ELAVL4: variants seen among roughly 807,000 people sequenced by gnomAD.
ELAVL4 encodes the protein ELAV like RNA binding protein 4, also known as ELAV-like protein 4.
ELAVL4 carries 1 observed loss-of-function variant against 35.6 expected under a neutral mutation model. The observed-to-expected ratio is 0.03, with a 90% CI of 0.01 to 0.13. The LOEUF is 0.13. ELAVL4 is among the 10% of genes least tolerant of loss of function. The pLI, the probability that ELAVL4 is intolerant of heterozygous loss-of-function variation, is 1.00. For synonymous variants in ELAVL4, 156 were observed against 171.0 expected, an observed-to-expected ratio of 0.91 and a Z score of 0.69; for missense variants, 267 against 464.9, an observed-to-expected ratio of 0.57 and a Z score of 3.91.
At chr1:50,101,774 C>A (rs894578475), upstream of ELAVL4, among the ~76,000 whole-genome samples, 1 of 152,082 alleles carries the variant, frequency 6.6e-6, no homozygotes, top group East Asian at 1.9e-4. Context: ...TTAATAAACA[C>A]AAATATTTAC....
At chr1:50,110,573 A>G (rs1405456474) in intron 1 of ELAVL4, among the ~76,000 whole-genome samples, 2 of 152,194 alleles carry the variant, frequency 1.3e-5, no homozygotes, top group Non-Finnish European at 2.9e-5. Flanking sequence ...CCCTGAAGAT[A>G]TGGCACAAAA....
chr1:50,108,590 A>C (rs775314700), upstream of ELAVL4, among the ~76,000 whole-genome samples: 3 of 152,122 alleles, frequency 2.0e-5, no homozygotes, highest in Non-Finnish European at 4.4e-5. Flanking sequence ...ATGGGAAAAG[A>C]AGGACCCTCC....
intron 1 of ELAVL4, among the ~76,000 whole-genome samples, chr1:50,129,948 CAGAT>C: frequency 1.3e-5 from 2 of 152,234 alleles, no homozygotes; most frequent in East Asian, 3.9e-4. Flanking sequence ...CCCTGCAAGA[CAGAT>C]AGAATTGTTC....
chr1:50,150,882 T>TG (rs2148713029), intron 2 of ELAVL4, among the ~76,000 whole-genome samples: 1 of 152,332 alleles, frequency 6.6e-6, no homozygotes, highest in South Asian at 2.1e-4. Flanking sequence ...CTTTTATTTT[T>TG]TGTGTGTGCC....
At chr1:50,101,818 T>G (rs1014326266), upstream of ELAVL4, among the ~76,000 whole-genome samples, 6 of 152,238 alleles carry the variant, frequency 3.9e-5, no homozygotes, top group Non-Finnish European at 8.8e-5. Flanking sequence ...AAGGAAGAGA[T>G]ATCTTACTTT....
At chr1:50,195,875 C>T (rs1489068345) in intron 5 of ELAVL4, 89 bp downstream of exon 5, 2 of 1,470,186 alleles carry the variant, frequency 1.4e-6, no homozygotes, top group African/African-American at 1.4e-5. Context: ...ACAAATGGGG[C>T]AAGGGTAAAA....
intron 1 of ELAVL4, among the ~76,000 whole-genome samples, chr1:50,134,464 C>G (rs1315039401): frequency 1.3e-5 from 2 of 152,076 alleles, no homozygotes; most frequent in African/African-American, 4.8e-5. Context: ...TATTATTAGG[C>G]ATTTTAGTTA....
At chr1:50,136,065 C>T (rs1042674298) in intron 1 of ELAVL4, among the ~76,000 whole-genome samples, 21 of 151,978 alleles carry the variant, frequency 1.4e-4, no homozygotes, top group African/African-American at 3.4e-4. Flanking sequence ...GGGACTTGAG[C>T]GAATTAAAGC....
intron 1 of ELAVL4, among the ~76,000 whole-genome samples, chr1:50,051,009 TATCA>T (rs1374901039): frequency 2.0e-5 from 3 of 152,144 alleles, no homozygotes; most frequent in African/African-American, 7.2e-5. Flanking sequence ...TAGATTATAA[TATCA>T]ATCTATCGTA....
At position 50,165,443 on chromosome 1, in the gene ELAVL4, G is replaced by T. The variant is rs959711487; in HGVS notation, c.251-11646G>T. Among the ~76,000 whole-genome samples the T allele has an allele frequency of 1.4e-4, 19 of 131,214 alleles. No individual in the cohort carries two copies. The East Asian group carries it at 3.4e-3, about 23-fold the overall frequency. 86.1% of individuals were successfully genotyped at this position (131,214 alleles called of 152,430 possible). A position where few individuals can be genotyped will look rare whatever the true frequency, so the allele number is the denominator to read the frequency against. On this transcript the variant is annotated intron_variant, in intron 2 of 6. Coordinates refer to ENST00000371824, the MANE Select transcript of ELAVL4 (RefSeq NM_001144774.3). ...CTAACAGGAGATATATATATATATA[G>T]ATATAGATATAGATACACACACACA...
At chr1:50,051,541 A>G (rs946941187) in intron 1 of ELAVL4, among the ~76,000 whole-genome samples, 1 of 152,230 alleles carries the variant, frequency 6.6e-6, no homozygotes, top group Non-Finnish European at 1.5e-5. Context: ...AAAGTGGGGC[A>G]GTATATAATG....
At chr1:50,157,095 C>T (rs1675895100) in intron 2 of ELAVL4, among the ~76,000 whole-genome samples, 1 of 152,034 alleles carries the variant, frequency 6.6e-6, no homozygotes, top group Non-Finnish European at 1.5e-5. Context: ...CATTGTAAGT[C>T]GGGGACGGTC....
At chr1:50,165,146 T>A (rs1677517834) in intron 2 of ELAVL4, among the ~76,000 whole-genome samples, 2 of 152,142 alleles carry the variant, frequency 1.3e-5, no homozygotes, top group African/African-American at 4.8e-5. Context: ...GGGTGCCCCT[T>A]TCCTCTTTTC....
intron 1 of ELAVL4, among the ~76,000 whole-genome samples, chr1:50,118,646 G>A (rs1237902503): frequency 1.3e-5 from 2 of 151,978 alleles, no homozygotes; most frequent in African/African-American, 4.8e-5. Flanking sequence ...GGGTCTGAAG[G>A]GGGAAATAAA....
chr1:50,050,603 A>G (rs979714506), intron 1 of ELAVL4, among the ~76,000 whole-genome samples: 1 of 152,162 alleles, frequency 6.6e-6, no homozygotes, highest in Non-Finnish European at 1.5e-5. Context: ...AAAGTTAGAG[A>G]AGGTGCTTTA....
upstream of ELAVL4, among the ~76,000 whole-genome samples, chr1:50,098,910 A>G (rs550813257): frequency 6.6e-6 from 1 of 152,336 alleles, no homozygotes; most frequent in Admixed American, 6.5e-5. Context: ...TAATAAATGT[A>G]GAATGTCCCT....
At chr1:50,055,040 G>A (rs1043260658) in intron 1 of ELAVL4, among the ~76,000 whole-genome samples, 5 of 152,272 alleles carry the variant, frequency 3.3e-5, no homozygotes, top group Admixed American at 1.3e-4. Context: ...TCAAGATCTA[G>A]GGCTGGGTCT....
chr1:50,060,729 A>C (rs1663918731), intron 1 of ELAVL4, among the ~76,000 whole-genome samples: 1 of 152,200 alleles, frequency 6.6e-6, no homozygotes, highest in African/African-American at 2.4e-5. Context: ...AGTGAGACTC[A>C]TAGGCACAGT....
intron 1 of ELAVL4, among the ~76,000 whole-genome samples, chr1:50,140,234 T>A (rs1454140712): frequency 6.6e-6 from 1 of 152,236 alleles, no homozygotes; most frequent in Admixed American, 6.5e-5. Context: ...TTAAAGTACA[T>A]ATGCACACTT....
Sources: allele counts gnomAD v4.1 joint callset (sites outside exome capture counted in the v4.1 genomes callset), GRCh38; gene constraint gnomAD v4.1.1; transcripts MANE v1.5; gene names NCBI Gene and HGNC (gene_info 2026-07-23, HGNC 2026-07-21).